The following INTS6 variants were observed in gnomAD, a reference collection of about 807,000 sequenced individuals.
The protein encoded by INTS6 is DEAD box protein.
Under a neutral mutation model 104.9 loss-of-function variants are expected in INTS6, and 16 were observed. The ratio of observed to expected loss-of-function variants is 0.15; its 90% CI spans 0.10 to 0.23. The LOEUF is 0.23. INTS6 is among the 10% of genes least tolerant of loss of function. The probability of loss-of-function intolerance (pLI) is 1.00; values close to 1 mark genes in which losing one functional copy is unlikely to be tolerated. For missense variants in INTS6, 584 were observed against 1,062.8 expected (o/e 0.55, Z 6.26); for synonymous variants, 324 against 358.7 (o/e 0.90, Z 1.09).
chr13:51,354,685 T>C (rs1245325799), intron 3 of INTS6, among the ~76,000 whole-genome samples: 2 of 152,156 alleles, frequency 1.3e-5, no homozygotes, highest in African/African-American at 4.8e-5. Context: ...GGAAGCAGAA[T>C]GTTCTATATA....
chr13:51,402,198 C>T (rs76434028), intron 4 of INTS6, among the ~76,000 whole-genome samples: 1,731 of 152,254 alleles, frequency 0.011, 26 homozygotes, highest in East Asian at 0.07. Context: ...TTACTGTGTG[C>T]CAAGCACCAT....
intron 10 of INTS6, 51 bp downstream of exon 10, chr13:51,381,978 G>A (rs781773930): frequency 4.7e-5 from 58 of 1,230,480 alleles, no homozygotes; most frequent in Non-Finnish European, 6.8e-5. Context: ...TGGGATTACA[G>A]GCGTGAGTCA....
intron 4 of INTS6, among the ~76,000 whole-genome samples, chr13:51,414,637 T>A (rs1271046974): frequency 1.3e-5 from 2 of 152,156 alleles, no homozygotes; most frequent in Non-Finnish European, 2.9e-5. Flanking sequence ...AAGCTTTTTT[T>A]AAAGCAAATA....
chr13:51,409,599 T>C (rs1414257202), intron 4 of INTS6, among the ~76,000 whole-genome samples: 3 of 152,080 alleles, frequency 2.0e-5, no homozygotes, highest in African/African-American at 7.2e-5. Flanking sequence ...TAATTTATTA[T>C]TTGTATTTTT....
chr13:51,398,026 C>A (rs1227856748), intron 4 of INTS6, among the ~76,000 whole-genome samples: 5 of 152,040 alleles, frequency 3.3e-5, no homozygotes, highest in African/African-American at 4.8e-5. Context: ...AAACTTTAGG[C>A]AAATTTTTAT....
intron 5 of INTS6, among the ~76,000 whole-genome samples, chr13:51,393,071 T>G (rs186006954): frequency 2.0e-3 from 298 of 150,000 alleles, no homozygotes; most frequent in Non-Finnish European, 3.4e-3. Flanking sequence ...CATAAACAAC[T>G]AAATTTTTTT....
At chr13:51,348,292 G>A in the INTS6 span, 6 of 1,612,046 alleles carry the variant, frequency 3.7e-6, no homozygotes, top group African/African-American at 8.0e-5. Context: ...GTCTGTTCCT[G>A]GTGCTGCCCC....
At chr13:51,376,228 G>A in intron 12 of INTS6, 54 bp from the exon 13 acceptor site, 1 of 1,444,110 alleles carries the variant, frequency 6.9e-7, no homozygotes, top group Non-Finnish European at 9.4e-7. Flanking sequence ...AATTACAAGA[G>A]ACTAAAATCT....
At chr13:51,398,220 G>C in intron 4 of INTS6, among the ~76,000 whole-genome samples, 1 of 152,112 alleles carries the variant, frequency 6.6e-6, no homozygotes, top group South Asian at 2.1e-4. Context: ...ACTTACTCCA[G>C]GTTTAAAGTT....
rs1953082646 is a variant in INTS6, at chr13:51,452,421, G to A, written c.105C>T (p.Phe35=). The A allele has an allele frequency of 1.9e-6, 3 of 1,606,250 alleles. No individual in the cohort carries two copies. In the Admixed American group the frequency reaches 5.0e-5, roughly 27 times the overall value. The change falls in exon 1 of 18, where the codon TTC becomes TTT. Residue 35 remains phenylalanine, a synonymous_variant. Transcript: ENST00000311234. The surrounding 1 kb of genome is among the most constrained non-coding windows in gnomAD (Gnocchi z 4.2). ...LDTAKGAVET[F]MKLRARDPAS... ...GGGCTCGGTCAGTCGGTACCTTCAT[G>A]AAGGTCTCTACCGCGCCTTTGGCCG...
At chr13:51,391,426 G>T (rs1461933765) in intron 5 of INTS6, among the ~76,000 whole-genome samples, 1 of 152,050 alleles carries the variant, frequency 6.6e-6, no homozygotes, top group African/African-American at 2.4e-5. Flanking sequence ...GAGTCATTTG[G>T]TAATAAAAAT....
In INTS6 at chr13:51,369,243, T is replaced by C. The variant is rs368094507; in HGVS notation, c.2172A>G (p.Ser724=). 4 of 1,613,590 alleles carry C rather than the reference T, an allele frequency of 2.5e-6. No individual in the cohort carries two copies. In the African/African-American group the frequency reaches 4.0e-5, roughly 16 times the overall value. ...VVENHVADQL[S]SDITPNAMDT... ...CCATAGCATTTGGTGTAATGTCTGA[T>C]GAAAGTTGGTCTGCAACATGATTTT... is the stretch of plus-strand genomic sequence containing the variant. The change falls in exon 16 of 18, where the codon TCA becomes TCG. Residue 724 remains serine (S), a synonymous_variant. Coordinates refer to ENST00000311234, the MANE Select transcript of INTS6 (RefSeq NM_012141.3).
At chr13:51,416,615 C>T (rs1229653576) in intron 4 of INTS6, among the ~76,000 whole-genome samples, 2 of 152,128 alleles carry the variant, frequency 1.3e-5, no homozygotes, top group African/African-American at 4.8e-5. Flanking sequence ...TTTGTTTATC[C>T]ATTCATCAGG....
intron 4 of INTS6, among the ~76,000 whole-genome samples, chr13:51,396,719 G>A (rs1402131747): frequency 1.3e-5 from 2 of 152,164 alleles, no homozygotes; most frequent in Non-Finnish European, 2.9e-5. Context: ...TTAAACACCA[G>A]CACAAGAGAG....
intron 4 of INTS6, among the ~76,000 whole-genome samples, chr13:51,407,756 G>C (rs1453026711): frequency 6.6e-6 from 1 of 152,018 alleles, no homozygotes; most frequent in Admixed American, 6.6e-5. Flanking sequence ...GTACGGTATG[G>C]CCAGGCATAG....
At position 51,430,279 on chromosome 13, in the gene INTS6, A is replaced by AT. The variant is rs1193780019; in HGVS notation, c.429+14dup. The AT allele has an allele frequency of 6.2e-7, 1 of 1,607,120 alleles. No individual in the cohort carries two copies. The highest frequency in any genetic ancestry group is 1.3e-5 in the African/African-American group (1 of 74,908). On this transcript the variant is annotated intron_variant, in intron 4 of 17. Transcript: ENST00000311234. ...ACTGCATTTGCATAATCCATGTAAT[A>AT]TAAGCACAACTTACCTCATCCTGGA...
Position 51,452,006 on chromosome 13 carries a change from G to A in INTS6, c.161C>T (p.Thr54Ile). The change falls in exon 2 of 18, where the codon ACT (threonine) becomes ATT (isoleucine). Residue 54 changes from threonine (T) to isoleucine (I), a missense_variant. Coordinates refer to ENST00000311234, the MANE Select transcript of INTS6 (RefSeq NM_012141.3). This position sits in a 1 kb window ranked among gnomAD's most constrained non-coding sequence, Gnocchi z 4.2. Reference sequence around the variant, plus strand: ...GATAGCATAGGGCGGCTCTTCGAAAGTGACCAGCATATACCTGTCTCCTCT... The same window carrying A: ...GATAGCATAGGGCGGCTCTTCGAAAATGACCAGCATATACCTGTCTCCTCT... ...ASRGDRYMLV[T>I]FEEPPYAIKA... The A allele has an allele frequency of 6.2e-7, 1 of 1,609,936 alleles. No homozygotes were observed. The highest frequency in any genetic ancestry group is 8.5e-7 in the Non-Finnish European group (1 of 1,177,534).
chr13:51,416,836 T>A (rs2138054132), intron 4 of INTS6, among the ~76,000 whole-genome samples: 1 of 152,336 alleles, frequency 6.6e-6, no homozygotes, highest in African/African-American at 2.4e-5. Context: ...TTTTACATCC[T>A]CACTAGCAAA....
the INTS6 span, chr13:51,344,202 T>C: frequency 7.3e-7 from 1 of 1,378,538 alleles, no homozygotes; most frequent in African/African-American, 1.4e-5. Context: ...TTGTGCTAAC[T>C]CCTTACTCAC....
Sources: gnomAD v4.1 joint callset for allele counts (sites outside exome capture counted in the v4.1 genomes callset) on GRCh38, gnomAD v4.1.1 for gene constraint, Gnocchi (gnomAD v3.1) non-coding constraint, MANE v1.5 for transcripts, NCBI Gene and HGNC (gene_info 2026-07-23, HGNC 2026-07-21) for gene names.